Variants in DOCK4 observed in about 807,000 individuals in gnomAD.
The protein encoded by DOCK4 is dedicator of cytokinesis 4.
Under a neutral mutation model 268.1 loss-of-function variants are expected in DOCK4, and 97 were observed. The ratio of observed to expected loss-of-function variants is 0.36; its 90% CI spans 0.31 to 0.43. The LOEUF is 0.43. Ranked by LOEUF, DOCK4 falls within the 20% of genes least tolerant of loss-of-function variation. The pLI is 1.00. For synonymous variants in DOCK4, 954 were observed against 887.2 expected, an observed-to-expected ratio of 1.08 and a Z score of -1.34; for missense variants, 2,145 against 2,455.7, an observed-to-expected ratio of 0.87 and a Z score of 2.67.
At chr7:111,845,345 T>C (rs1392536877) in intron 24 of DOCK4, among the ~76,000 whole-genome samples, 1 of 152,246 alleles carries the variant, frequency 6.6e-6, no homozygotes, top group Non-Finnish European at 1.5e-5. Flanking sequence ...TACAAATGAC[T>C]ATTCCTATAA....
chr7:112,039,485 T>C (rs1287144968), intron 1 of DOCK4, among the ~76,000 whole-genome samples: 1 of 152,104 alleles, frequency 6.6e-6, no homozygotes, highest in Non-Finnish European at 1.5e-5. Context: ...GTTGCTGTTG[T>C]TGTTGTTTTT....
At chr7:112,021,035 A>C (rs1316036038) in intron 1 of DOCK4, among the ~76,000 whole-genome samples, 1 of 152,218 alleles carries the variant, frequency 6.6e-6, no homozygotes, top group Admixed American at 6.5e-5. Flanking sequence ...AGGATGGGAG[A>C]TGGCCCATTA....
intron 1 of DOCK4, among the ~76,000 whole-genome samples, chr7:112,179,265 A>C (rs953603878): frequency 1.3e-5 from 2 of 152,020 alleles, no homozygotes; most frequent in African/African-American, 4.8e-5. Flanking sequence ...ATATGCCTGT[A>C]ATCCCAGCTA....
At chr7:112,107,304 G>T (rs1355283512) in intron 1 of DOCK4, among the ~76,000 whole-genome samples, 1 of 152,190 alleles carries the variant, frequency 6.6e-6, no homozygotes, top group African/African-American at 2.4e-5. Context: ...GGTCTTTAAA[G>T]GGGTAACTAA....
Position 111,728,525 on chromosome 7 carries a change from C to G in DOCK4, c.5677G>C (p.Val1893Leu), listed in dbSNP as rs369715294. Reference sequence around the variant, plus strand: ...GGCTCCTCCCCGCCGTAGCTCGGCACGGGCACCGGCACTGGCACCGGCAGG... The same window carrying G: ...GGCTCCTCCCCGCCGTAGCTCGGCAGGGGCACCGGCACTGGCACCGGCAGG... ...APLPVPVPVP[V>L]PSYGGEEPVR... Residue 1893 changes from valine to leucine, a missense_variant, in exon 53 of 53, where the codon GTG becomes CTG. By Grantham distance (32) the Val-to-Leu change is conservative. This residue lies in a region of DOCK4 where 547 missense variants were observed against 469.0 expected (regional missense o/e 1.17). Transcript: ENST00000428084. 2.5e-6 allele frequency: 4 copies of G among 1,613,316 alleles called. No homozygotes were observed. Among genetic ancestry groups the G allele is most frequent in the East Asian group, 4.5e-5 (2 of 44,820 alleles).
At chr7:112,065,673 C>G (rs116526777) in intron 1 of DOCK4, among the ~76,000 whole-genome samples, 5 of 151,404 alleles carry the variant, frequency 3.3e-5, no homozygotes, top group Non-Finnish European at 7.4e-5. Context: ...TAACAAGTCC[C>G]CCAGATATTC....
intron 24 of DOCK4, among the ~76,000 whole-genome samples, chr7:111,845,540 G>C (rs1031563999): frequency 1.3e-5 from 2 of 152,154 alleles, no homozygotes; most frequent in Non-Finnish European, 2.9e-5. Flanking sequence ...TGCACTGACT[G>C]TATGTGGAGT....
intron 11 of DOCK4, among the ~76,000 whole-genome samples, chr7:111,936,387 T>G (rs1163029732): frequency 6.6e-6 from 1 of 152,168 alleles, no homozygotes; most frequent in East Asian, 1.9e-4. Flanking sequence ...CCTGGGAGAC[T>G]GTTAAGGTTC....
At chr7:112,121,065 T>A (rs1437824574) in intron 1 of DOCK4, among the ~76,000 whole-genome samples, 7 of 152,298 alleles carry the variant, frequency 4.6e-5, no homozygotes, top group Admixed American at 4.6e-4. Flanking sequence ...CTAGCAGGTG[T>A]CACTTTCTGA....
chr7:111,748,939 A>T (rs949973104), intron 42 of DOCK4, among the ~76,000 whole-genome samples: 1 of 151,984 alleles, frequency 6.6e-6, no homozygotes, highest in Non-Finnish European at 1.5e-5. Flanking sequence ...AATATTACAC[A>T]CAACACTGAG....
At chr7:111,841,866 C>A (rs899058024) in intron 25 of DOCK4, among the ~76,000 whole-genome samples, 2 of 152,178 alleles carry the variant, frequency 1.3e-5, no homozygotes, top group Non-Finnish European at 2.9e-5. Flanking sequence ...CCACATGTAT[C>A]CCATAGAGAT....
At chr7:111,869,244 A>G (rs1200098046) in intron 21 of DOCK4, among the ~76,000 whole-genome samples, 1 of 152,184 alleles carries the variant, frequency 6.6e-6, no homozygotes, top group African/African-American at 2.4e-5. Flanking sequence ...GGTGGAAGCA[A>G]GAGCCAGGAA....
chr7:111,823,635 A>G (rs575960494), intron 26 of DOCK4, among the ~76,000 whole-genome samples: 2 of 152,354 alleles, frequency 1.3e-5, no homozygotes, highest in South Asian at 2.1e-4. Context: ...CTACTCAAAA[A>G]GGGATTAGCT....
At chr7:112,184,790 C>A (rs1040707666) in intron 1 of DOCK4, among the ~76,000 whole-genome samples, 1 of 152,054 alleles carries the variant, frequency 6.6e-6, no homozygotes, top group Non-Finnish European at 1.5e-5. Flanking sequence ...CCTACAATCC[C>A]CCCCCCTTAG....
intron 42 of DOCK4, among the ~76,000 whole-genome samples, chr7:111,752,471 G>A (rs1161960399): frequency 6.6e-6 from 1 of 151,232 alleles, no homozygotes; most frequent in African/African-American, 2.4e-5. Flanking sequence ...TGGGCAGGAT[G>A]TGGTATGAAA....
chr7:111,868,712 A>AC (rs1331427111), intron 21 of DOCK4, among the ~76,000 whole-genome samples: 1 of 127,880 alleles, frequency 7.8e-6, no homozygotes, highest in East Asian at 2.3e-4. Flanking sequence ...TTCCGTCTAA[A>AC]AAAAAAATTA....
intron 21 of DOCK4, 139 bp downstream of exon 21, chr7:111,869,435 A>G: frequency 1.3e-6 from 1 of 775,220 alleles, no homozygotes; most frequent in Non-Finnish European, 2.1e-6. Flanking sequence ...AAGCAGTCAC[A>G]AACTGATTAA....
At chr7:112,072,282 A>T (rs908345179) in intron 1 of DOCK4, among the ~76,000 whole-genome samples, 1 of 152,190 alleles carries the variant, frequency 6.6e-6, no homozygotes, top group Non-Finnish European at 1.5e-5. Flanking sequence ...ATAACATGAC[A>T]ACAAGAAGTT....
At chr7:111,810,814 T>C (rs1310417512) in intron 28 of DOCK4, among the ~76,000 whole-genome samples, 2 of 151,884 alleles carry the variant, frequency 1.3e-5, no homozygotes, top group Non-Finnish European at 2.9e-5. Flanking sequence ...CTGGCGAACA[T>C]GGCAAAACCC....
Sources: gnomAD v4.1 joint callset for allele counts (sites outside exome capture counted in the v4.1 genomes callset) on GRCh38, gnomAD v4.1.1 for gene constraint, gnomAD v4.1.1 regional missense constraint, MANE v1.5 for transcripts, NCBI Gene and HGNC (gene_info 2026-07-23, HGNC 2026-07-21) for gene names.